AGBL4: variants seen among roughly 807,000 people sequenced by gnomAD.
AGBL4 encodes AGBL carboxypeptidase 4.
Under a neutral mutation model 66.4 loss-of-function variants are expected in AGBL4, and 58 were observed. That is an observed-to-expected ratio of 0.87 (90% confidence interval 0.71 to 1.09). The LOEUF is 1.09. Among genes scored for constraint, AGBL4 ranks in the 50% least tolerant of loss-of-function variants. The pLI is 0.00. For missense variants in AGBL4, 579 were observed against 631.0 expected (o/e 0.92, Z 0.88); for synonymous variants, 234 against 222.9 (o/e 1.05, Z -0.44).
intron 11 of AGBL4, among the ~76,000 whole-genome samples, chr1:48,540,895 C>T (rs2354468): frequency 0.69 from 104,494 of 151,552 alleles, 36,372 homozygotes; most frequent in Non-Finnish European, 0.75. Context: ...GGTCCATTTT[C>T]TACCGTGCAG....
chr1:49,858,526 TAAGAAA>T (rs1646488461), intron 1 of AGBL4, among the ~76,000 whole-genome samples: 1 of 151,902 alleles, frequency 6.6e-6, no homozygotes, highest in Non-Finnish European at 1.5e-5. Flanking sequence ...GAATAGATTA[TAAGAAA>T]AAGGATTGAA....
intron 3 of AGBL4, among the ~76,000 whole-genome samples, chr1:49,340,749 C>T (rs772099268): frequency 1.3e-5 from 2 of 152,182 alleles, no homozygotes; most frequent in Non-Finnish European, 2.9e-5. Context: ...TGCTGGGCTG[C>T]ATTTCCAGAA....
chr1:49,694,527 G>A (rs1185342685), intron 3 of AGBL4, among the ~76,000 whole-genome samples: 1 of 152,118 alleles, frequency 6.6e-6, no homozygotes, highest in Non-Finnish European at 1.5e-5. Flanking sequence ...GGATAGGATA[G>A]CACTCTATAT....
chr1:49,091,389 A>G (rs189328729), intron 4 of AGBL4, among the ~76,000 whole-genome samples: 283 of 152,262 alleles, frequency 1.9e-3, no homozygotes, highest in Middle Eastern at 3.4e-3. Flanking sequence ...ACAAACAAAA[A>G]ACAACCATAT....
intron 3 of AGBL4, chr1:49,268,028 T>C (rs2148379302): frequency 6.6e-6 from 1 of 152,274 alleles, no homozygotes; most frequent in South Asian, 2.1e-4. Flanking sequence ...TCAGTGTATA[T>C]TAAATAAAAT....
rs188920400 is a variant in AGBL4 at position 49,502,968 on chromosome 1, A to G, written c.282+194345T>C. On this transcript the variant is annotated intron_variant, in intron 3 of 13. Coordinates refer to ENST00000371839, the MANE Select transcript of AGBL4 (RefSeq NM_032785.4). ...AATTTGCATGAGTAATGATGAGCCA[A>G]ATATTAATCAGCAAGACAATGGGAA... Among the ~76,000 whole-genome samples the G allele has an allele frequency of 1.6e-4, 24 of 152,274 alleles. 1 individual carries two copies. Among genetic ancestry groups the G allele is most frequent in the Admixed American group, 7.2e-4 (11 of 15,292 alleles).
rs34410081 is a variant in AGBL4 at position 48,952,254 on chromosome 1, A to T, written c.595-85024T>A. On this transcript the variant is annotated intron_variant, in intron 5 of 13. Coordinates refer to ENST00000371839, the MANE Select transcript of AGBL4 (RefSeq NM_032785.4). The stretch of plus-strand genomic sequence containing the variant: ...ACACATATTAATTGAGCTTTTACCA[A>T]CTGCTAGGCACTATGCTAGGCATTT... 2.7e-3 allele frequency among the ~76,000 whole-genome samples: 407 copies of T among 152,342 alleles called. 2 individuals are homozygous for T. Among genetic ancestry groups the T allele is most frequent in the Middle Eastern group, 0.01 (3 of 294 alleles).
At chr1:49,645,780 A>G (rs1188944547) in intron 3 of AGBL4, among the ~76,000 whole-genome samples, 4 of 151,596 alleles carry the variant, frequency 2.6e-5, no homozygotes, top group Non-Finnish European at 5.9e-5. Flanking sequence ...AAAAAAAAAA[A>G]AAGAATGTTT....
intron 6 of AGBL4, among the ~76,000 whole-genome samples, chr1:48,750,762 T>C (rs1651595855): frequency 1.3e-5 from 2 of 152,328 alleles, no homozygotes; most frequent in African/African-American, 4.8e-5. Context: ...TTCTTGTCTC[T>C]AGTGGAATGT....
intron 5 of AGBL4, among the ~76,000 whole-genome samples, chr1:48,993,838 A>G (rs1258347747): frequency 6.6e-6 from 1 of 152,164 alleles, no homozygotes; most frequent in African/African-American, 2.4e-5. Flanking sequence ...CCTGAAGCAC[A>G]AAGATTTCAC....
chr1:49,899,996 C>T (rs948937798), intron 1 of AGBL4, among the ~76,000 whole-genome samples: 1 of 151,370 alleles, frequency 6.6e-6, no homozygotes. Context: ...GAGCCGAGAT[C>T]GTACCACTGC....
chr1:49,363,411 T>C (rs1055464010), intron 3 of AGBL4, among the ~76,000 whole-genome samples: 1 of 152,214 alleles, frequency 6.6e-6, no homozygotes. Context: ...AGACAGTGTG[T>C]CATTTCCATA....
rs141396918 is a variant in AGBL4 at position 48,627,263 on chromosome 1, A to G, written c.951+7230T>C. Among the ~76,000 whole-genome samples the G allele has an allele frequency of 8.5e-5, 13 of 152,210 alleles. No individual in the cohort carries two copies. The East Asian group carries it at 2.5e-3, about 29-fold the overall frequency. ...GTGAAACTGCGCTGTGTGTTTTTGT[A>G]TGTCTCCTTGGTGTAATTATGTAGA... On this transcript the variant is annotated intron_variant, in intron 9 of 13. Transcript: ENST00000371839.
At chr1:48,807,595 G>A (rs532485647) in intron 6 of AGBL4, among the ~76,000 whole-genome samples, 91 of 152,282 alleles carry the variant, frequency 6.0e-4, no homozygotes, top group Non-Finnish European at 1.1e-3. Flanking sequence ...TATTCTCAGC[G>A]TGTGATCTGC....
intron 3 of AGBL4, among the ~76,000 whole-genome samples, chr1:49,557,712 C>T (rs1184774005): frequency 6.6e-6 from 1 of 152,030 alleles, no homozygotes; most frequent in Non-Finnish European, 1.5e-5. Flanking sequence ...GGCCATAAGG[C>T]CTTCAACTTG....
intron 5 of AGBL4, among the ~76,000 whole-genome samples, chr1:48,886,475 CT>C (rs1558066805): frequency 1.3e-5 from 2 of 152,168 alleles, no homozygotes; most frequent in African/African-American, 4.8e-5. Context: ...TAACAATGCT[CT>C]AAAACCTGCT....
At chr1:49,886,324 T>A (rs1571804199) in intron 1 of AGBL4, among the ~76,000 whole-genome samples, 1 of 152,120 alleles carries the variant, frequency 6.6e-6, no homozygotes, top group African/African-American at 2.4e-5. Flanking sequence ...GCATGCCACC[T>A]GAACTACCTC....
At chr1:49,531,134 TA>T (rs1273356136) in intron 3 of AGBL4, among the ~76,000 whole-genome samples, 8 of 152,144 alleles carry the variant, frequency 5.3e-5, no homozygotes, top group African/African-American at 1.9e-4. Context: ...AGGATTTTGG[TA>T]TCTTTGGAGA....
At chr1:49,780,292 T>C (rs1400071091) in intron 2 of AGBL4, among the ~76,000 whole-genome samples, 1 of 152,120 alleles carries the variant, frequency 6.6e-6, no homozygotes, top group Non-Finnish European at 1.5e-5. Context: ...TGTACTGTCA[T>C]GCTTATAATA....
Sources: gnomAD v4.1 joint callset for allele counts (sites outside exome capture counted in the v4.1 genomes callset) on GRCh38, gnomAD v4.1.1 for gene constraint, MANE v1.5 for transcripts, NCBI Gene and HGNC (gene_info 2026-07-23, HGNC 2026-07-21) for gene names.